The following PAX5 variants were observed in gnomAD, a reference collection of about 807,000 sequenced individuals.
PAX5 encodes the protein paired box protein Pax-5.
In PAX5, 9 loss-of-function variants were observed where a neutral mutation model predicts 43.7. The observed-to-expected ratio is 0.21, with a 90% confidence interval of 0.12 to 0.36. The LOEUF (loss-of-function observed/expected upper bound fraction) is 0.36. PAX5 is among the 10% of genes least tolerant of loss of function. The pLI is 1.00. For synonymous variants in PAX5, 228 were observed against 214.3 expected (o/e 1.06, Z -0.56); for missense variants, 383 against 532.7 (o/e 0.72, Z 2.77).
chr9:36,957,399 G>T (rs1421422173), intron 6 of PAX5, among the ~76,000 whole-genome samples: 1 of 152,168 alleles, frequency 6.6e-6, no homozygotes, highest in Admixed American at 6.5e-5. Flanking sequence ...AGAAACGGTT[G>T]GGAAGGTATG....
chr9:36,959,254 A>G (rs1833755716), intron 6 of PAX5, among the ~76,000 whole-genome samples: 1 of 152,210 alleles, frequency 6.6e-6, no homozygotes, highest in Non-Finnish European at 1.5e-5. Context: ...TAGATAATTA[A>G]GCTCTCTGGA....
intron 6 of PAX5, among the ~76,000 whole-genome samples, chr9:36,929,969 A>C (rs1005473151): frequency 2.0e-5 from 3 of 151,872 alleles, no homozygotes; most frequent in African/African-American, 7.3e-5. Context: ...CAGATGATCC[A>C]CCCACCTCAG....
intron 5 of PAX5, among the ~76,000 whole-genome samples, chr9:36,983,951 C>T (rs1836156977): frequency 6.6e-6 from 1 of 152,130 alleles, no homozygotes; most frequent in South Asian, 2.1e-4. Flanking sequence ...GTACCAAAAA[C>T]AACTGTGAAA....
intron 7 of PAX5, chr9:36,922,587 G>A (rs547041741): frequency 3.8e-4 from 58 of 152,416 alleles, no homozygotes; most frequent in African/African-American, 1.3e-3. Flanking sequence ...CTGCCACAGG[G>A]AGAGGGTTCT....
intron 7 of PAX5, among the ~76,000 whole-genome samples, chr9:36,883,388 A>G (rs1208056370): frequency 6.6e-6 from 1 of 152,230 alleles, no homozygotes; most frequent in South Asian, 2.1e-4. Flanking sequence ...TAAAAACAGA[A>G]AAGAATGAAT....
intron 6 of PAX5, among the ~76,000 whole-genome samples, chr9:36,959,171 C>A (rs759382826): frequency 6.6e-6 from 1 of 152,246 alleles, no homozygotes; most frequent in African/African-American, 2.4e-5. Flanking sequence ...TACTCCTTCC[C>A]CTCTTCCCAC....
At chr9:36,972,844 A>C (rs1835032352) in intron 5 of PAX5, among the ~76,000 whole-genome samples, 1 of 152,078 alleles carries the variant, frequency 6.6e-6, no homozygotes, top group South Asian at 2.1e-4. Flanking sequence ...CCTGGCCAAC[A>C]TGGTGAAACC....
chr9:36,906,205 T>C (rs1221673920), intron 7 of PAX5, among the ~76,000 whole-genome samples: 1 of 152,190 alleles, frequency 6.6e-6, no homozygotes, highest in African/African-American at 2.4e-5. Flanking sequence ...TGTGACTATG[T>C]GACCTTACAT....
chr9:36,894,723 A>G (rs1387655235), intron 7 of PAX5, among the ~76,000 whole-genome samples: 1 of 152,258 alleles, frequency 6.6e-6, no homozygotes, highest in East Asian at 1.9e-4. Context: ...AACACTCAGT[A>G]AGGCCACCAT....
intron 5 of PAX5, among the ~76,000 whole-genome samples, chr9:36,986,415 A>G (rs1171715256): frequency 6.6e-6 from 1 of 151,338 alleles, no homozygotes; most frequent in African/African-American, 2.4e-5. Flanking sequence ...CGGAACGTCA[A>G]TTGACTTAGA....
At chr9:37,026,701 T>G in intron 1 of PAX5, 2 of 1,297,514 alleles carry the variant, frequency 1.5e-6, no homozygotes, top group South Asian at 1.4e-5. Flanking sequence ...AAAACACTGC[T>G]GGAGCTTCGG....
chr9:36,963,608 G>A (rs759038013), intron 6 of PAX5, among the ~76,000 whole-genome samples: 71 of 152,226 alleles, frequency 4.7e-4, no homozygotes, highest in Non-Finnish European at 9.6e-4. Context: ...GGAGTGGCAT[G>A]TGAGCAGGTG....
intron 6 of PAX5, among the ~76,000 whole-genome samples, chr9:36,936,101 G>C (rs536948445): frequency 2.5e-4 from 38 of 152,344 alleles, no homozygotes; most frequent in African/African-American, 8.9e-4. Flanking sequence ...CCCTTAACCA[G>C]TGTGCTATTT....
intron 6 of PAX5, among the ~76,000 whole-genome samples, chr9:36,956,764 T>G (rs534372916): frequency 5.3e-4 from 80 of 152,088 alleles, no homozygotes; most frequent in African/African-American, 1.6e-3. Context: ...TCCCATAGAG[T>G]CCATGTAATT....
chr9:36,854,872 G>C (rs1823510369), intron 8 of PAX5, among the ~76,000 whole-genome samples: 1 of 147,578 alleles, frequency 6.8e-6, no homozygotes, highest in Admixed American at 6.6e-5. Flanking sequence ...AATGCACAAT[G>C]TGTCTCACTT....
intron 6 of PAX5, among the ~76,000 whole-genome samples, chr9:36,963,448 T>C (rs1393663259): frequency 2.0e-5 from 3 of 152,172 alleles, no homozygotes; most frequent in African/African-American, 4.8e-5. Flanking sequence ...TCCCCCTCTC[T>C]GGCTGACACC....
Position 36,843,139 on chromosome 9 carries a change from T to C in PAX5, c.1100-2503A>G, listed in dbSNP as rs527514079. Among the ~76,000 whole-genome samples the C allele has an allele frequency of 8.5e-5, 13 of 152,132 alleles. No homozygotes were observed. The East Asian group carries it at 2.5e-3, about 29-fold the overall frequency. ...GAGTGTGAGCGTGCGTCTGTGTGTG[T>C]GTGCATGTGTGTGTGTAGGGTTCTC... On this transcript the variant is annotated intron_variant, in intron 9 of 9. Coordinates refer to ENST00000358127, the MANE Select transcript of PAX5 (RefSeq NM_016734.3).
chr9:36,985,730 G>A (rs2132299237), intron 5 of PAX5, among the ~76,000 whole-genome samples: 1 of 152,300 alleles, frequency 6.6e-6, no homozygotes, highest in African/African-American at 2.4e-5. Context: ...CCTCCAGGGC[G>A]CAAAGCACAC....
intron 7 of PAX5, among the ~76,000 whole-genome samples, chr9:36,900,965 T>G (rs1383503649): frequency 6.6e-6 from 1 of 152,126 alleles, no homozygotes; most frequent in East Asian, 1.9e-4. Context: ...CACCTGTTCC[T>G]CACAAGTGAC....
Sources: allele counts gnomAD v4.1 joint callset (sites outside exome capture counted in the v4.1 genomes callset), GRCh38; gene constraint gnomAD v4.1.1; transcripts MANE v1.5; gene names NCBI Gene and HGNC (gene_info 2026-07-23, HGNC 2026-07-21).